CDH8: variants seen among roughly 807,000 people sequenced by gnomAD.
The protein encoded by CDH8 is cadherin 8.
Under a neutral mutation model 68.1 loss-of-function variants are expected in CDH8, and 17 were observed. The observed-to-expected ratio is 0.25, with a 90% CI of 0.17 to 0.37. CDH8 has a LOEUF of 0.37. CDH8 is among the 10% of genes least tolerant of loss of function. CDH8 has a pLI of 1.00. For missense variants in CDH8, 763 were observed against 999.3 expected (o/e 0.76, Z 3.19); for synonymous variants, 372 against 365.1 (o/e 1.02, Z -0.21).
chr16:61,943,376 G>A (rs1213539218), intron 2 of CDH8, among the ~76,000 whole-genome samples: 1 of 152,218 alleles, frequency 6.6e-6, no homozygotes, highest in Non-Finnish European at 1.5e-5. Flanking sequence ...CAAGGTGGTA[G>A]TAAAATGAAT....
intron 2 of CDH8, among the ~76,000 whole-genome samples, chr16:62,016,761 T>A (rs6498817): frequency 0.5 from 76,220 of 152,060 alleles, 20,277 homozygotes; most frequent in East Asian, 0.72. Flanking sequence ...TTTTCAGAAA[T>A]CCAGACAAAA....
chr16:61,770,492 GCA>G, intron 8 of CDH8, among the ~76,000 whole-genome samples: 1 of 151,836 alleles, frequency 6.6e-6, no homozygotes, highest in Admixed American at 6.6e-5. Flanking sequence ...CATTCCTAAA[GCA>G]CAGTCTCCAG....
intron 8 of CDH8, among the ~76,000 whole-genome samples, chr16:61,742,563 T>C (rs1425302070): frequency 1.3e-5 from 2 of 152,292 alleles, no homozygotes; most frequent in Admixed American, 6.5e-5. Flanking sequence ...AAGAAATGCA[T>C]ACTTAACTTT....
At chr16:61,841,112 A>G (rs1395202083) in intron 4 of CDH8, among the ~76,000 whole-genome samples, 3 of 152,196 alleles carry the variant, frequency 2.0e-5, no homozygotes, top group African/African-American at 4.8e-5. Flanking sequence ...TCACCTATTA[A>G]TGGACACTTA....
intron 10 of CDH8, among the ~76,000 whole-genome samples, chr16:61,664,314 A>G (rs1197777918): frequency 6.6e-6 from 1 of 152,066 alleles, no homozygotes; most frequent in Admixed American, 6.6e-5. Flanking sequence ...CAAAGAAATG[A>G]TAGAGTAACG....
chr16:62,015,107 A>C (rs1901904408), intron 2 of CDH8, among the ~76,000 whole-genome samples: 1 of 152,198 alleles, frequency 6.6e-6, no homozygotes. Flanking sequence ...TTGAGCACTG[A>C]CATGACACTA....
At chr16:61,935,293 G>C (rs753011098) in intron 2 of CDH8, among the ~76,000 whole-genome samples, 17 of 152,124 alleles carry the variant, frequency 1.1e-4, no homozygotes, top group Non-Finnish European at 2.9e-5. Context: ...CTAGAAAAAT[G>C]AAGTCATCAT....
intron 7 of CDH8, among the ~76,000 whole-genome samples, chr16:61,791,736 G>A (rs1049286697): frequency 2.0e-5 from 3 of 151,830 alleles, no homozygotes; most frequent in Non-Finnish European, 4.4e-5. Flanking sequence ...AGAAGCATGG[G>A]GAGCAAAAAC....
intron 10 of CDH8, among the ~76,000 whole-genome samples, chr16:61,675,733 A>T (rs1351510359): frequency 6.6e-6 from 1 of 151,756 alleles, no homozygotes; most frequent in East Asian, 1.9e-4. Context: ...TAGAAATAAA[A>T]TATGAGATGA....
chr16:61,993,055 G>T (rs1186937863), intron 2 of CDH8, among the ~76,000 whole-genome samples: 14 of 152,146 alleles, frequency 9.2e-5, no homozygotes, highest in Non-Finnish European at 2.1e-4. Flanking sequence ...AAAGTACTGG[G>T]ATTACAAGTG....
chr16:61,771,143 G>A (rs1960767056), intron 8 of CDH8, among the ~76,000 whole-genome samples: 3 of 151,948 alleles, frequency 2.0e-5, no homozygotes, highest in African/African-American at 7.2e-5. Flanking sequence ...ATTTTTAATA[G>A]GTATCCAGAT....
chr16:61,788,910 A>G (rs1448926829), intron 8 of CDH8, among the ~76,000 whole-genome samples: 1 of 152,050 alleles, frequency 6.6e-6, no homozygotes, highest in Non-Finnish European at 1.5e-5. Context: ...ATATTGATAA[A>G]GCTTCCATCT....
At chr16:61,921,476 A>G (rs1390758325) in intron 2 of CDH8, among the ~76,000 whole-genome samples, 1 of 152,174 alleles carries the variant, frequency 6.6e-6, no homozygotes, top group Non-Finnish European at 1.5e-5. Context: ...TACCCACATC[A>G]AAATCTGAGC....
At chr16:61,662,694 A>C (rs1424268567) in intron 10 of CDH8, among the ~76,000 whole-genome samples, 2 of 151,942 alleles carry the variant, frequency 1.3e-5, no homozygotes, top group Non-Finnish European at 2.9e-5. Flanking sequence ...ATCTATATAT[A>C]GTAACTATAT....
chr16:61,674,632 C>T (rs1364096069), intron 10 of CDH8, among the ~76,000 whole-genome samples: 1 of 151,792 alleles, frequency 6.6e-6, no homozygotes, highest in Non-Finnish European at 1.5e-5. Context: ...AATAAGTTAT[C>T]TAAAATCAAG....
chr16:61,654,926 G>A (rs1468882369), intron 11 of CDH8, among the ~76,000 whole-genome samples: 1 of 152,172 alleles, frequency 6.6e-6, no homozygotes, highest in Non-Finnish European at 1.5e-5. Context: ...AAAGGTTATA[G>A]AATCTTAATT....
intron 2 of CDH8, among the ~76,000 whole-genome samples, chr16:61,924,144 G>A (rs576674398): frequency 1.3e-5 from 2 of 152,096 alleles, no homozygotes; most frequent in South Asian, 2.1e-4. Context: ...TGTTGTTGTC[G>A]TTTTAATCCT....
At chr16:61,847,538 T>TTATATATATATATA (rs56946081) in intron 4 of CDH8, among the ~76,000 whole-genome samples, 16 of 136,734 alleles carry the variant, frequency 1.2e-4, no homozygotes, top group South Asian at 4.7e-4. Flanking sequence ...TCCAATCATT[T>TTATATATATATATA]TATATATATA....
chr16:61,799,237 T>TC (rs1319075593), intron 7 of CDH8, among the ~76,000 whole-genome samples: 3 of 152,108 alleles, frequency 2.0e-5, no homozygotes, highest in East Asian at 3.9e-4. Flanking sequence ...CTGTCATACT[T>TC]CTCTCCATAG....
Sources: allele counts gnomAD v4.1 joint callset (sites outside exome capture counted in the v4.1 genomes callset), GRCh38; gene constraint gnomAD v4.1.1; transcripts MANE v1.5; gene names NCBI Gene and HGNC (gene_info 2026-07-23, HGNC 2026-07-21).